Variants in EEA1 observed in about 807,000 individuals in gnomAD.
The protein encoded by EEA1 is early endosome antigen 1.
A neutral mutation model predicts 209.2 loss-of-function variants in EEA1; 111 were observed. The ratio of observed to expected loss-of-function variants is 0.53; its 90% confidence interval spans 0.45 to 0.62. The LOEUF is 0.62. EEA1 is among the 20% of genes least tolerant of loss of function. EEA1 has a pLI of 0.00. For synonymous variants in EEA1, 536 were observed against 540.6 expected (o/e 0.99, Z 0.12); for missense variants, 1,343 against 1,530.8 (o/e 0.88, Z 2.05).
At position 92,790,080 on chromosome 12, in the gene EEA1, C is replaced by T. The variant is rs145573505; in HGVS notation, c.2968-2031G>A. Among the ~76,000 whole-genome samples, 1,221 of 152,212 alleles carry T rather than the reference C, an allele frequency of 8.0e-3. 16 individuals carry two copies. Among genetic ancestry groups the T allele is most frequent in the African/African-American group, 0.027 (1,111 of 41,518 alleles). ...AAAACTAACAAACAGAAAGGAATAA[C>T]ATCAACATCAACAAAAAGGTCATCT... On this transcript the variant is annotated intron_variant, in intron 21 of 28. Coordinates refer to ENST00000322349, the MANE Select transcript of EEA1 (RefSeq NM_003566.4).
At chr12:92,872,024 G>A (rs1200369045) in intron 2 of EEA1, among the ~76,000 whole-genome samples, 2 of 151,502 alleles carry the variant, frequency 1.3e-5, no homozygotes, top group Non-Finnish European at 2.9e-5. Context: ...GGGACTACAG[G>A]CGCGTACCAC....
intron 21 of EEA1, among the ~76,000 whole-genome samples, chr12:92,793,327 C>T (rs1043927326): frequency 6.6e-6 from 1 of 152,042 alleles, no homozygotes; most frequent in East Asian, 1.9e-4. Context: ...ATTAGGAAAA[C>T]AGGAAGTCAA....
At chr12:92,844,670 G>C (rs962993604) in intron 9 of EEA1, among the ~76,000 whole-genome samples, 1 of 151,906 alleles carries the variant, frequency 6.6e-6, no homozygotes, top group African/African-American at 2.4e-5. Context: ...GTAACAATTT[G>C]ACTATTTTAA....
intron 25 of EEA1, 120 bp downstream of exon 25, chr12:92,778,995 A>C: frequency 1.2e-6 from 1 of 831,804 alleles, no homozygotes; most frequent in Non-Finnish European, 1.8e-6. Flanking sequence ...CTCCTTCCTT[A>C]ATCAAAAACT....
chr12:92,831,789 A>C (rs1565826314), intron 11 of EEA1, among the ~76,000 whole-genome samples: 1 of 151,696 alleles, frequency 6.6e-6, no homozygotes, highest in Admixed American at 6.6e-5. Context: ...ATAATTTTTT[A>C]AAAATATCCA....
chr12:92,802,287 C>T, intron 19 of EEA1, 117 bp downstream of exon 19: 3 of 918,682 alleles, frequency 3.3e-6, no homozygotes, highest in Non-Finnish European at 4.7e-6. Flanking sequence ...CTCATAAGAA[C>T]TACTTTAAAC....
chr12:92,921,759 GA>G (rs751838383), intron 1 of EEA1, among the ~76,000 whole-genome samples: 26,245 of 76,682 alleles, frequency 0.34, 3,129 homozygotes, highest in Non-Finnish European at 0.41. Flanking sequence ...TAAAAAAAAA[GA>G]AAAAAAAAAA....
chr12:92,816,181 A>C lies in EEA1; in HGVS notation c.1929+19T>G, dbSNP rs368771922. The C allele has an allele frequency of 1.0e-5, 16 of 1,603,994 alleles. No individual in the cohort carries two copies. The African/African-American group carries it at 2.1e-4, about 21-fold the overall frequency. On this transcript the variant is annotated intron_variant, in intron 15 of 28. Coordinates refer to ENST00000322349, the MANE Select transcript of EEA1 (RefSeq NM_003566.4). The stretch of plus-strand genomic sequence containing the variant: ...GGTCTAAAACTGGTGCTTTACACAA[A>C]CATTAAATTTAATATTACCTGTATG...
chr12:92,845,244 A>T (rs775739826), intron 9 of EEA1, among the ~76,000 whole-genome samples: 2 of 152,156 alleles, frequency 1.3e-5, no homozygotes, highest in Non-Finnish European at 2.9e-5. Context: ...AGACTTATAC[A>T]TCCAGAGGCC....
chr12:92,902,065 A>T (rs1880166049), intron 1 of EEA1, among the ~76,000 whole-genome samples: 1 of 152,150 alleles, frequency 6.6e-6, no homozygotes, highest in South Asian at 2.1e-4. Context: ...ACAATGGTTC[A>T]CATCTGTAAT....
intron 1 of EEA1, among the ~76,000 whole-genome samples, chr12:92,925,135 C>T (rs1881160528): frequency 6.6e-6 from 1 of 151,070 alleles, no homozygotes; most frequent in South Asian, 2.1e-4. Context: ...GACTACTTTA[C>T]CCATCATTGT....
chr12:92,847,568 A>G (rs1344035280), intron 9 of EEA1, among the ~76,000 whole-genome samples: 2 of 152,226 alleles, frequency 1.3e-5, no homozygotes, highest in Non-Finnish European at 2.9e-5. Flanking sequence ...CTATTACCCA[A>G]TACAAATATT....
chr12:92,906,391 G>T (rs1880387760), intron 1 of EEA1, among the ~76,000 whole-genome samples: 1 of 151,970 alleles, frequency 6.6e-6, no homozygotes, highest in African/African-American at 2.4e-5. Flanking sequence ...ATCATGCCTG[G>T]CCCTGGCTAA....
intron 2 of EEA1, among the ~76,000 whole-genome samples, chr12:92,870,250 T>C (rs868437821): frequency 6.6e-6 from 1 of 152,202 alleles, no homozygotes; most frequent in Admixed American, 6.5e-5. Flanking sequence ...AATTACCTCA[T>C]AGAAAAAAGT....
chr12:92,892,438 T>C (rs116987964), intron 1 of EEA1, among the ~76,000 whole-genome samples: 1,936 of 152,046 alleles, frequency 0.013, 24 homozygotes, highest in Middle Eastern at 0.068. Context: ...AAGATGCAAG[T>C]TCAAGGAAGA....
chr12:92,786,190 G>T (rs1412802754), intron 22 of EEA1, among the ~76,000 whole-genome samples: 2 of 152,120 alleles, frequency 1.3e-5, no homozygotes, highest in African/African-American at 4.8e-5. Context: ...CTACTGCAAA[G>T]TCTTCTGGTC....
At chr12:92,805,544 T>G (rs1297600260) in intron 18 of EEA1, among the ~76,000 whole-genome samples, 4 of 152,202 alleles carry the variant, frequency 2.6e-5, no homozygotes, top group African/African-American at 9.7e-5. Context: ...AGCAGGTGAT[T>G]TGATGTTTAA....
At chr12:92,842,220 T>A (rs1371307158) in intron 10 of EEA1, among the ~76,000 whole-genome samples, 1 of 151,856 alleles carries the variant, frequency 6.6e-6, no homozygotes, top group Admixed American at 6.6e-5. Context: ...AGACAGAAAG[T>A]AGAATGGAAG....
chr12:92,780,854 A>T (rs2136649741), intron 23 of EEA1, among the ~76,000 whole-genome samples: 1 of 152,288 alleles, frequency 6.6e-6, no homozygotes, highest in East Asian at 1.9e-4. Flanking sequence ...TAGAGCCAAA[A>T]CCAAAGCAAG....
Sources: gnomAD v4.1 joint callset for allele counts (sites outside exome capture counted in the v4.1 genomes callset) on GRCh38, gnomAD v4.1.1 for gene constraint, MANE v1.5 for transcripts, NCBI Gene and HGNC (gene_info 2026-07-23, HGNC 2026-07-21) for gene names.